ZFTRAF1: variants seen among roughly 807,000 people sequenced by gnomAD.
The protein encoded by ZFTRAF1 is zinc finger TRAF-type-containing protein 1.
At chr8:144,460,367 C>G in the ZFTRAF1 span, among the ~76,000 whole-genome samples, 2 of 152,238 alleles carry the variant, frequency 1.3e-5, no homozygotes, top group Non-Finnish European at 2.9e-5. Flanking sequence ...GGCTCAGAGG[C>G]CTGGTCACCA....
chr8:144,452,425 G>A, the ZFTRAF1 span: 6 of 1,549,920 alleles, frequency 3.9e-6, no homozygotes, highest in African/African-American at 1.4e-5. Flanking sequence ...ATCTCCTTGC[G>A]GTGGCTCTGG....
the ZFTRAF1 span, among the ~76,000 whole-genome samples, chr8:144,459,835 G>A: frequency 1.3e-5 from 2 of 152,224 alleles, no homozygotes; most frequent in Non-Finnish European, 2.9e-5. Flanking sequence ...TTCTGCTGGG[G>A]TCAGGAAAAG....
the ZFTRAF1 span, among the ~76,000 whole-genome samples, chr8:144,458,140 C>T: frequency 6.6e-6 from 1 of 152,230 alleles, no homozygotes; most frequent in African/African-American, 2.4e-5. Context: ...GGCACGTTGT[C>T]CAAGGCCGCA....
At chr8:144,462,304 C>A in the ZFTRAF1 span, 3 of 598,834 alleles carry the variant, frequency 5.0e-6, no homozygotes, top group South Asian at 5.2e-5. Flanking sequence ...AGGCCTTGGG[C>A]AGGTCCAGGC....
chr8:144,453,784 G>A, the ZFTRAF1 span: 3 of 297,072 alleles, frequency 1.0e-5, no homozygotes, highest in Non-Finnish European at 1.3e-5. Flanking sequence ...TTAGGGACCA[G>A]CGACTGCCCT....
chr8:144,462,017 G>A, the ZFTRAF1 span, among the ~76,000 whole-genome samples: 2 of 152,198 alleles, frequency 1.3e-5, no homozygotes, highest in Non-Finnish European at 1.5e-5. Flanking sequence ...CGGAAGACAA[G>A]CGATTCAGAT....
chr8:144,452,135 C>G, the ZFTRAF1 span: 1 of 609,826 alleles, frequency 1.6e-6, no homozygotes, highest in Non-Finnish European at 3.0e-6. Flanking sequence ...GCTGTGAGAG[C>G]CACACAGGTG....
At chr8:144,458,965 G>T in the ZFTRAF1 span, among the ~76,000 whole-genome samples, 2 of 152,270 alleles carry the variant, frequency 1.3e-5, no homozygotes, top group Non-Finnish European at 2.9e-5. Context: ...CATGAGGGGT[G>T]GGAACAATGC....
At chr8:144,452,318 C>A in the ZFTRAF1 span, 1 of 1,541,676 alleles carries the variant, frequency 6.5e-7, no homozygotes, top group Non-Finnish European at 8.7e-7. Context: ...GCCCCCCAAC[C>A]CACACCTGTG....
chr8:144,452,260 TCAGTGCC>T, the ZFTRAF1 span: 14 of 1,335,026 alleles, frequency 1.0e-5, no homozygotes, highest in Middle Eastern at 1.8e-4. Context: ...TCCGGCGCTG[TCAGTGCC>T]CAGTGCCCAG....
At chr8:144,459,923 A>C in the ZFTRAF1 span, among the ~76,000 whole-genome samples, 1 of 152,246 alleles carries the variant, frequency 6.6e-6, no homozygotes, top group Non-Finnish European at 1.5e-5. Context: ...CAACGTGGTC[A>C]CCAAGGAAAG....
the ZFTRAF1 span, among the ~76,000 whole-genome samples, chr8:144,458,281 A>C: frequency 6.6e-6 from 1 of 152,244 alleles, no homozygotes; most frequent in Non-Finnish European, 1.5e-5. Flanking sequence ...ATTCAGAACA[A>C]GGCTGCTTAG....
At chr8:144,461,875 C>T in the ZFTRAF1 span, among the ~76,000 whole-genome samples, 1 of 152,128 alleles carries the variant, frequency 6.6e-6, no homozygotes, top group African/African-American at 2.4e-5. Context: ...GCACAGGACT[C>T]TGAGCCCAGG....
chr8:144,460,306 G>A, the ZFTRAF1 span, among the ~76,000 whole-genome samples: 472 of 152,322 alleles, frequency 3.1e-3, 26 homozygotes, highest in East Asian at 0.075. Context: ...GCCTCTGGCC[G>A]CCCAGAGCAG....
the ZFTRAF1 span, chr8:144,457,589 C>T: frequency 1.3e-5 from 2 of 152,250 alleles, no homozygotes; most frequent in Non-Finnish European, 2.9e-5. Flanking sequence ...AGCCCTCCCC[C>T]CTGCTGGCTA....
At chr8:144,450,042 C>G in the ZFTRAF1 span, 2 of 347,022 alleles carry the variant, frequency 5.8e-6, no homozygotes, top group Non-Finnish European at 1.1e-5. Context: ...GCACCGCCGC[C>G]TGACTGCACA....
chr8:144,462,183 C>T, the ZFTRAF1 span: 2 of 422,930 alleles, frequency 4.7e-6, no homozygotes, highest in East Asian at 4.3e-5. Flanking sequence ...GGCCGCCGGG[C>T]CCCGCAGGCC....
chr8:144,461,754 A>G, the ZFTRAF1 span, among the ~76,000 whole-genome samples: 1 of 152,134 alleles, frequency 6.6e-6, no homozygotes, highest in Non-Finnish European at 1.5e-5. Flanking sequence ...GACCAAGAGA[A>G]AGGATTCTTC....
At chr8:144,460,366 G>A in the ZFTRAF1 span, among the ~76,000 whole-genome samples, 2 of 152,240 alleles carry the variant, frequency 1.3e-5, no homozygotes, top group Non-Finnish European at 2.9e-5. Flanking sequence ...AGGCTCAGAG[G>A]CCTGGTCACC....
Sources: allele counts gnomAD v4.1 joint callset (sites outside exome capture counted in the v4.1 genomes callset), GRCh38; gene constraint gnomAD v4.1.1; transcripts MANE v1.5; gene names NCBI Gene and HGNC (gene_info 2026-07-23, HGNC 2026-07-21).